The following ZNF385D variants were observed in gnomAD, a reference collection of about 807,000 sequenced individuals.
ZNF385D encodes zinc finger protein 385D.
Under a neutral mutation model 35.8 loss-of-function variants are expected in ZNF385D, and 15 were observed. That is an observed-to-expected ratio of 0.42 (90% CI 0.28 to 0.64). ZNF385D has a LOEUF of 0.64. ZNF385D is among the 30% of genes least tolerant of loss of function. The pLI is 0.23. For missense variants in ZNF385D, 474 were observed against 494.6 expected (o/e 0.96, Z 0.39); for synonymous variants, 212 against 186.8 (o/e 1.13, Z -1.10).
Position 22,237,162 on chromosome 3 carries a change from C to T in ZNF385D, c.107-68127G>A, listed in dbSNP as rs570026789. On this transcript the variant is annotated intron_variant, in intron 2 of 5. Coordinates refer to the ZNF385D transcript ENST00000494108. The stretch of plus-strand genomic sequence containing the variant: ...ACCAGCAACATGTGGGGGTTCCAAC[C>T]ACTCCACGTCTTTGCCAGCAATAGT... Among the ~76,000 whole-genome samples the T allele has an allele frequency of 5.0e-4, 75 of 150,720 alleles. 1 individual carries two copies. The highest frequency in any genetic ancestry group is 1.7e-3 in the African/African-American group (69 of 40,846).
chr3:21,998,198 TA>T (rs1695606962), intron 3 of ZNF385D, among the ~76,000 whole-genome samples: 1 of 152,130 alleles, frequency 6.6e-6, no homozygotes, highest in Admixed American at 6.5e-5. Flanking sequence ...TTATTTAGCA[TA>T]TAATTATGGG....
At chr3:21,903,439 G>C (rs1699514913) in intron 3 of ZNF385D, among the ~76,000 whole-genome samples, 2 of 152,076 alleles carry the variant, frequency 1.3e-5, no homozygotes, top group African/African-American at 4.8e-5. Flanking sequence ...AAGATCTTCG[G>C]AGTCTCTGAG....
chr3:21,427,649 A>C (rs1016319596), intron 5 of ZNF385D, among the ~76,000 whole-genome samples: 3 of 152,174 alleles, frequency 2.0e-5, no homozygotes, highest in Non-Finnish European at 4.4e-5. Flanking sequence ...GCAAAGATTC[A>C]GAAAATATGG....
chr3:21,861,239 G>C (rs184098130), intron 3 of ZNF385D, among the ~76,000 whole-genome samples: 1 of 152,106 alleles, frequency 6.6e-6, no homozygotes, highest in South Asian at 2.1e-4. Context: ...TCGTGCCATA[G>C]TCCAGGTGTT....
intron 3 of ZNF385D, among the ~76,000 whole-genome samples, chr3:21,829,359 A>T (rs1353733162): frequency 6.6e-6 from 1 of 152,090 alleles, no homozygotes; most frequent in African/African-American, 2.4e-5. Context: ...TTTCTCAGGG[A>T]AGGGATCAGC....
chr3:21,647,490 T>C (rs1157355912), intron 2 of ZNF385D, among the ~76,000 whole-genome samples: 1 of 151,944 alleles, frequency 6.6e-6, no homozygotes, highest in African/African-American at 2.4e-5. Flanking sequence ...TCCATTTACA[T>C]ACTGCAATTA....
intron 3 of ZNF385D, among the ~76,000 whole-genome samples, chr3:22,102,928 T>A (rs1702019688): frequency 1.3e-5 from 2 of 149,882 alleles, no homozygotes; most frequent in African/African-American, 4.9e-5. Context: ...CTCACGTATG[T>A]CCCTCACTCC....
intron 3 of ZNF385D, among the ~76,000 whole-genome samples, chr3:21,545,953 A>G (rs1180896890): frequency 6.6e-6 from 1 of 152,216 alleles, no homozygotes; most frequent in Non-Finnish European, 1.5e-5. Context: ...CTTGTGGAAC[A>G]AACTTCCATC....
rs544699624 is a variant in ZNF385D, at chr3:21,911,638, A to G, written c.326-246610T>C. ...GTTCATTTTACCATTTTTATTGAGA[A>G]ATAGTAGCTATATTGCAGAAGGCAT... On this transcript the variant is annotated intron_variant, in intron 3 of 5. Transcript: ENST00000494108. Among the ~76,000 whole-genome samples, 101 of 152,068 alleles carry G rather than the reference A, an allele frequency of 6.6e-4. 2 individuals carry two copies. Among genetic ancestry groups the G allele is most frequent in the Admixed American group, 3.5e-3 (54 of 15,224 alleles).
At chr3:21,879,136 A>T (rs259550) in intron 3 of ZNF385D, among the ~76,000 whole-genome samples, 34,176 of 152,006 alleles carry the variant, frequency 0.22, 4,203 homozygotes, top group East Asian at 0.27. Context: ...ATTAACAAGG[A>T]AACAAATGAT....
At chr3:22,005,109 A>C (rs1365652496) in intron 3 of ZNF385D, among the ~76,000 whole-genome samples, 2 of 150,488 alleles carry the variant, frequency 1.3e-5, no homozygotes, top group African/African-American at 4.9e-5. Context: ...TAATCCCATT[A>C]AAAAGTGGGC....
chr3:22,186,621 G>A (rs532975738), intron 2 of ZNF385D, among the ~76,000 whole-genome samples: 1 of 149,592 alleles, frequency 6.7e-6, no homozygotes, highest in East Asian at 1.9e-4. Flanking sequence ...CTGTATACAA[G>A]GGGCAAATGA....
chr3:22,116,820 T>G (rs140586040), intron 3 of ZNF385D, among the ~76,000 whole-genome samples: 82 of 152,186 alleles, frequency 5.4e-4, no homozygotes, highest in African/African-American at 1.9e-3. Context: ...GAAAGGTTTA[T>G]AAGGCTATTT....
intron 2 of ZNF385D, among the ~76,000 whole-genome samples, chr3:21,567,044 G>T (rs546198398): frequency 6.6e-6 from 1 of 152,136 alleles, no homozygotes; most frequent in Non-Finnish European, 1.5e-5. Context: ...CCTTTTTATT[G>T]CTCAGTAGTA....
chr3:21,433,417 A>G (rs774435760), intron 5 of ZNF385D, among the ~76,000 whole-genome samples: 73 of 152,204 alleles, frequency 4.8e-4, no homozygotes, highest in Non-Finnish European at 4.3e-4. Context: ...TGCAAGGGAA[A>G]CATTTCCCCA....
chr3:21,620,080 T>A (rs919327010), intron 2 of ZNF385D, among the ~76,000 whole-genome samples: 1 of 152,138 alleles, frequency 6.6e-6, no homozygotes, highest in Non-Finnish European at 1.5e-5. Context: ...CTGTAAGAAT[T>A]AACACTGTAG....
chr3:22,023,700 A>G (rs1259459700), intron 3 of ZNF385D, among the ~76,000 whole-genome samples: 2 of 152,098 alleles, frequency 1.3e-5, no homozygotes, highest in Non-Finnish European at 2.9e-5. Context: ...AAATCTCAAT[A>G]GAAATTATTT....
At chr3:21,577,896 A>G (rs2063541031) in intron 2 of ZNF385D, among the ~76,000 whole-genome samples, 1 of 151,386 alleles carries the variant, frequency 6.6e-6, no homozygotes, top group Admixed American at 6.6e-5. Context: ...TGCAGCCTCA[A>G]CTTCCTGGGC....
intron 1 of ZNF385D, among the ~76,000 whole-genome samples, chr3:21,674,888 T>A (rs1339231965): frequency 6.7e-6 from 1 of 149,566 alleles, no homozygotes; most frequent in African/African-American, 2.5e-5. Flanking sequence ...TTGTGTATTG[T>A]TTTAGAAATG....
Sources: allele counts gnomAD v4.1 joint callset (sites outside exome capture counted in the v4.1 genomes callset), GRCh38; gene constraint gnomAD v4.1.1; transcripts MANE v1.5; gene names NCBI Gene and HGNC (gene_info 2026-07-23, HGNC 2026-07-21).